NEGR1: variants seen among roughly 807,000 people sequenced by gnomAD.
NEGR1 encodes neuronal growth regulator 1.
NEGR1 carries 10 observed loss-of-function variants against 40.9 expected under a neutral mutation model. That is an observed-to-expected ratio of 0.24 (90% confidence interval 0.15 to 0.42). The LOEUF is 0.42. Ranked by LOEUF, NEGR1 falls within the 10% of genes least tolerant of loss-of-function variation. The probability of loss-of-function intolerance (pLI) is 1.00; values close to 1 mark genes in which losing one functional copy is unlikely to be tolerated. For missense variants in NEGR1, 352 were observed against 438.9 expected (o/e 0.80, Z 1.77); for synonymous variants, 185 against 166.8 (o/e 1.11, Z -0.84).
At chr1:71,431,549 TC>T (rs1646468686) in intron 6 of NEGR1, among the ~76,000 whole-genome samples, 2 of 99,528 alleles carry the variant, frequency 2.0e-5, no homozygotes, top group East Asian at 6.9e-4. Flanking sequence ...CATCCATCCA[TC>T]CATCCATCTG....
At chr1:72,024,521 TA>T (rs1395424765) in intron 1 of NEGR1, among the ~76,000 whole-genome samples, 1 of 152,146 alleles carries the variant, frequency 6.6e-6, no homozygotes, top group Non-Finnish European at 1.5e-5. Context: ...TTTTAGACCA[TA>T]AACTACATGC....
At chr1:71,720,743 G>C (rs1367304899) in intron 3 of NEGR1, among the ~76,000 whole-genome samples, 2 of 152,076 alleles carry the variant, frequency 1.3e-5, no homozygotes, top group Non-Finnish European at 2.9e-5. Context: ...AGCAAAATCA[G>C]GTTTTTAATG....
intron 1 of NEGR1, among the ~76,000 whole-genome samples, chr1:72,067,725 A>G: frequency 6.6e-6 from 1 of 152,020 alleles, no homozygotes; most frequent in East Asian, 1.9e-4. Flanking sequence ...GGGAAAAAAA[A>G]CTGCTCTTAA....
intron 1 of NEGR1, among the ~76,000 whole-genome samples, chr1:72,058,332 A>T (rs1647130972): frequency 6.6e-6 from 1 of 151,588 alleles, no homozygotes; most frequent in African/African-American, 2.4e-5. Context: ...TGACTTAATA[A>T]TCTCTAATAT....
chr1:71,901,223 A>C, intron 2 of NEGR1, among the ~76,000 whole-genome samples: 1 of 152,208 alleles, frequency 6.6e-6, no homozygotes, highest in Admixed American at 6.5e-5. Flanking sequence ...AAAACGATCC[A>C]AAAATAAGGA....
At chr1:72,136,028 T>G (rs975874265) in intron 1 of NEGR1, among the ~76,000 whole-genome samples, 5 of 152,122 alleles carry the variant, frequency 3.3e-5, no homozygotes, top group African/African-American at 1.2e-4. Flanking sequence ...ACTAAAGTAC[T>G]TCTAATAAGA....
chr1:72,064,368 G>A (rs1430565075), intron 1 of NEGR1, among the ~76,000 whole-genome samples: 2 of 152,026 alleles, frequency 1.3e-5, no homozygotes, highest in Non-Finnish European at 2.9e-5. Flanking sequence ...ATGTAGAGGA[G>A]CTGAGGATCC....
At position 71,407,210 on chromosome 1, in the gene NEGR1, C is replaced by T. The variant is rs199745842; in HGVS notation, c.*236G>A. 1 of 332,180 alleles carries T rather than the reference C, an allele frequency of 3.0e-6. No homozygotes were observed. The highest frequency in any genetic ancestry group is 5.5e-6 in the Non-Finnish European group (1 of 180,412). 20.6% of individuals were successfully genotyped at this position (332,180 alleles called of 1,614,324 possible). A position where few individuals can be genotyped will look rare whatever the true frequency, so the allele number is the denominator to read the frequency against. On this transcript the variant is annotated 3_prime_UTR_variant, in exon 7 of 7. Coordinates refer to ENST00000357731, the MANE Select transcript of NEGR1 (RefSeq NM_173808.3). ...AATTAATATCCTCTAAAAGTAATTT[C>T]AGAGCTTTCACGTCTTAAAAAAAGG...
chr1:72,158,757 A>G (rs558297951), intron 1 of NEGR1, among the ~76,000 whole-genome samples: 1 of 152,200 alleles, frequency 6.6e-6, no homozygotes, highest in African/African-American at 2.4e-5. Flanking sequence ...CTATCATGTG[A>G]AAATGAATAA....
chr1:71,628,838 A>G (rs970115333), intron 4 of NEGR1, among the ~76,000 whole-genome samples: 3 of 152,116 alleles, frequency 2.0e-5, no homozygotes, highest in African/African-American at 7.2e-5. Context: ...GGTTGGTTCC[A>G]AGTCTTTACT....
intron 2 of NEGR1, among the ~76,000 whole-genome samples, chr1:71,864,377 G>C (rs1402471312): frequency 6.6e-6 from 1 of 152,130 alleles, no homozygotes; most frequent in Non-Finnish European, 1.5e-5. Context: ...GCAGTGGCTA[G>C]AGTTTAAACT....
chr1:71,986,421 T>C (rs887866498), intron 1 of NEGR1, among the ~76,000 whole-genome samples: 1 of 152,236 alleles, frequency 6.6e-6, no homozygotes, highest in Non-Finnish European at 1.5e-5. Context: ...CCTTCTGGCA[T>C]GTCTGGTCTG....
At chr1:71,587,879 T>C (rs992029778) in intron 6 of NEGR1, among the ~76,000 whole-genome samples, 3 of 152,116 alleles carry the variant, frequency 2.0e-5, no homozygotes, top group African/African-American at 7.2e-5. Context: ...ACCAAATATT[T>C]CCATATATTA....
At chr1:72,204,223 A>C (rs1653314036) in intron 1 of NEGR1, among the ~76,000 whole-genome samples, 1 of 152,056 alleles carries the variant, frequency 6.6e-6, no homozygotes, top group Non-Finnish European at 1.5e-5. Context: ...ACATTTCTTG[A>C]CTATAATCAC....
At chr1:71,654,771 CAAAT>C (rs937330305) in intron 4 of NEGR1, among the ~76,000 whole-genome samples, 4 of 152,020 alleles carry the variant, frequency 2.6e-5, no homozygotes, top group African/African-American at 9.7e-5. Context: ...ATACATTCTA[CAAAT>C]AAATAAAGTT....
intron 3 of NEGR1, among the ~76,000 whole-genome samples, chr1:71,763,542 G>A (rs1656018363): frequency 6.6e-6 from 1 of 152,106 alleles, no homozygotes; most frequent in Admixed American, 6.5e-5. Context: ...TGAGTATCAT[G>A]TTCATCTGTA....
At chr1:72,269,931 A>G (rs1232340121) in intron 1 of NEGR1, among the ~76,000 whole-genome samples, 1 of 151,834 alleles carries the variant, frequency 6.6e-6, no homozygotes, top group Admixed American at 6.6e-5. Flanking sequence ...TACTTTCTCG[A>G]TGTTTTTAAT....
intron 1 of NEGR1, among the ~76,000 whole-genome samples, chr1:72,183,039 T>C (rs1652447109): frequency 6.6e-6 from 1 of 152,142 alleles, no homozygotes; most frequent in Non-Finnish European, 1.5e-5. Flanking sequence ...CTTGTCTCCT[T>C]ATTCAGTATT....
chr1:71,894,101 T>G (rs1044272571), intron 2 of NEGR1, among the ~76,000 whole-genome samples: 1 of 119,262 alleles, frequency 8.4e-6, no homozygotes, highest in African/African-American at 3.2e-5. Context: ...AGGGATAGCA[T>G]TGGTAGATAT....
Sources: gnomAD v4.1 joint callset for allele counts (sites outside exome capture counted in the v4.1 genomes callset) on GRCh38, gnomAD v4.1.1 for gene constraint, MANE v1.5 for transcripts, NCBI Gene and HGNC (gene_info 2026-07-23, HGNC 2026-07-21) for gene names.